ZXDA: variants seen among roughly 807,000 people sequenced by gnomAD.
ZXDA encodes zinc finger X-linked duplicated A, also known as zinc finger X-linked protein ZXDA.
A neutral mutation model predicts 10.1 loss-of-function variants in ZXDA; 5 were observed. The ratio of observed to expected loss-of-function variants is 0.50; its 90% CI spans 0.26 to 1.04. The LOEUF (loss-of-function observed/expected upper bound fraction) is 1.04. Among genes scored for constraint, ZXDA ranks in the 50% least tolerant of loss-of-function variants. The pLI is 0.14. For missense variants in ZXDA, 501 were observed against 672.4 expected (o/e 0.75, Z 2.82); for synonymous variants, 266 against 313.1 (o/e 0.85, Z 1.59).
In ZXDA at chrX:57,906,337, G is replaced by C. The variant is rs1353640791; in HGVS notation, c.*1684C>G. ...ATGTCTCCATTATTATCTGATTCAT[G>C]TATAAACACATTGCCATCTAAATCC... On this transcript the variant is annotated 3_prime_UTR_variant, in exon 1 of 1. Transcript: ENST00000358697. Among the ~76,000 whole-genome samples, 2 of 112,206 alleles carry C rather than the reference G, an allele frequency of 1.8e-5. No individual in the cohort carries two copies. Among genetic ancestry groups the C allele is most frequent in the Middle Eastern group, 4.6e-3 (1 of 216 alleles).
chrX:57,909,765 T>C lies in ZXDA; in HGVS notation c.656A>G (p.Asp219Gly). 8.4e-7 allele frequency: 1 copy of C among 1,196,304 alleles called. No individual in the cohort carries two copies. Among genetic ancestry groups the C allele is most frequent in the South Asian group, 1.8e-5 (1 of 54,468 alleles). ...AGFPQAAHPG[D>G]CPELRSDLLL... The stretch of plus-strand genomic sequence containing the variant: ...GAGGTCGGACCGCAGCTCTGGGCAG[T>C]CACCCGGGTGCGCGGCTTGCGGGAA... The change falls in exon 1 of 1, where the codon GAC becomes GGC. Residue 219 changes from aspartate to glycine, a missense_variant. This residue lies in a region of ZXDA where 251 missense variants were observed against 221.6 expected (regional missense o/e 1.13). Coordinates refer to ENST00000358697, the MANE Select transcript of ZXDA (RefSeq NM_007156.5).
rs2014379273 is a variant in ZXDA, at chrX:57,908,095, T to A, written c.2326A>T (p.Asn776Tyr). The A allele has an allele frequency of 2.5e-6, 3 of 1,212,144 alleles. No homozygotes were observed. Among genetic ancestry groups the A allele is most frequent in the Non-Finnish European group, 3.3e-6 (3 of 895,608 alleles). ...TGAGAACCATGGTTTCCTGCTGCATTGGGGAATCCAAACTGGGTTTCTCCC... is the reference window on the plus strand; with the variant it reads ...TGAGAACCATGGTTTCCTGCTGCATAGGGGAATCCAAACTGGGTTTCTCCC... ...QEGETQFGFP[N>Y]AAGNHGSQKE... is the part of the protein sequence containing the mutation. The change falls in exon 1 of 1, where the codon AAT becomes TAT. Residue 776 changes from asparagine (N) to tyrosine (Y), a missense_variant. By Grantham distance (143) the Asn-to-Tyr change is moderately radical (BLOSUM62 -2). Around this residue, in one of 5 missense-constraint regions of ZXDA, gnomAD observed 46 missense variants for 54.1 expected, o/e 0.85. Coordinates refer to ENST00000358697, the MANE Select transcript of ZXDA (RefSeq NM_007156.5).
chrX:57,909,335 A>G lies in ZXDA; in HGVS notation c.1086T>C (p.Cys362=), dbSNP rs1057326. ...TGGGGAAGCTCTCCTCGCACACCTC[A>G]CATTTGAACGAGTTCTCCTGCTCAT... is the stretch of plus-strand genomic sequence containing the variant. The part of the protein sequence containing the change: ...KGHEQENSFK[C]EVCEESFPTQ... Residue 362 remains cysteine, a synonymous_variant, in exon 1 of 1, where the codon TGT becomes TGC. Coordinates refer to ENST00000358697, the MANE Select transcript of ZXDA (RefSeq NM_007156.5). 97 of 1,210,230 alleles carry G rather than the reference A, an allele frequency of 8.0e-5. 1 individual carries two copies. The Middle Eastern group carries it at 9.2e-4, about 11-fold the overall frequency.
At position 57,908,136 on chromosome X, in the gene ZXDA, T is replaced by A. The variant is rs2014379838; in HGVS notation, c.2285A>T (p.Asp762Val). ...GGTTTCTCCCTCCTGTCCAAAGAAG[T>A]CAGAGTTAGGATGTACGCTCCACTC... Reference protein sequence around the residue: ...KAEWSVHPNSDFFGQEGETQF... With the variant: ...KAEWSVHPNSVFFGQEGETQF... The change falls in exon 1 of 1, where the codon GAC becomes GTC. Residue 762 changes from aspartate to valine, a missense_variant. Coordinates refer to ENST00000358697, the MANE Select transcript of ZXDA (RefSeq NM_007156.5). The A allele has an allele frequency of 8.3e-7, 1 of 1,210,374 alleles. No homozygotes were observed.
chrX:57,909,190 G>A lies in ZXDA; in HGVS notation c.1231C>T (p.Arg411Cys). The change falls in exon 1 of 1, where the codon CGC (arginine) becomes TGC (cysteine). Residue 411 changes from arginine (R) to cysteine (C), a missense_variant. By Grantham distance (180) the Arg-to-Cys change is radical. Coordinates refer to ENST00000358697, the MANE Select transcript of ZXDA (RefSeq NM_007156.5). ...AGTTCCTGTTCCCTGAAATGGGCGC[G>A]GTTATGGGAAAACAGAGCACTCACT... is the stretch of plus-strand genomic sequence containing the variant. ...ITVSALFSHN[R>C]AHFREQELFS... The A allele has an allele frequency of 4.1e-6, 5 of 1,211,742 alleles. No individual in the cohort carries two copies. The highest frequency in any genetic ancestry group is 5.6e-6 in the Non-Finnish European group (5 of 895,472).
chrX:57,907,705 T>G lies in ZXDA; in HGVS notation c.*316A>C. Reference sequence around the variant, plus strand: ...ATAATAATTGCAAAATGCCCGAAAATTTTCAAGAAAAAGCACAAAATCACA... The same window carrying G: ...ATAATAATTGCAAAATGCCCGAAAAGTTTCAAGAAAAAGCACAAAATCACA... On this transcript the variant is annotated 3_prime_UTR_variant, in exon 1 of 1. Coordinates refer to ENST00000358697, the MANE Select transcript of ZXDA (RefSeq NM_007156.5). The G allele has an allele frequency of 4.8e-6, 1 of 207,701 alleles. No individual in the cohort carries two copies. Among genetic ancestry groups the G allele is most frequent in the Non-Finnish European group, 8.8e-6 (1 of 113,734 alleles). The allele number at this position is 207,701 out of a possible 1,213,427, so 17.1% of individuals were successfully genotyped here.
chrX:57,909,771 G>C lies in ZXDA; in HGVS notation c.650C>G (p.Pro217Arg), dbSNP rs1392831216. Residue 217 changes from proline to arginine, a missense_variant, in exon 1 of 1, where the codon CCG becomes CGG. Transcript: ENST00000358697. ...GGACCGCAGCTCTGGGCAGTCACCC[G>C]GGTGCGCGGCTTGCGGGAACCCAGC... The part of the protein sequence containing the change: ...PQAGFPQAAH[P>R]GDCPELRSDL... 6.7e-6 allele frequency: 8 copies of C among 1,196,605 alleles called. No homozygotes were observed. The highest frequency in any genetic ancestry group is 9.0e-6 in the Non-Finnish European group (8 of 889,406).
rs149817888 is a variant in ZXDA, at chrX:57,910,193, C to T, written c.228G>A (p.Pro76=). ...SRGPGPSLFA[P]RPHQPSGGGD... ...CGCCGCCGCTAGGTTGATGGGGCCTCGGCGCGAACAGGCTTGGGCCAGGGC... is the reference window on the plus strand; with the variant it reads ...CGCCGCCGCTAGGTTGATGGGGCCTTGGCGCGAACAGGCTTGGGCCAGGGC... The change falls in exon 1 of 1, where the codon CCG becomes CCA. Residue 76 remains proline (P), a synonymous_variant. Transcript: ENST00000358697. 37 of 1,198,150 alleles carry T rather than the reference C, an allele frequency of 3.1e-5. No homozygotes were observed. In the African/African-American group the frequency reaches 3.9e-4, roughly 13 times the overall value.
chrX:57,905,516 AAAATT>A lies in ZXDA; in HGVS notation c.*2500_*2504del, dbSNP rs1220445093. Among the ~76,000 whole-genome samples the A allele has an allele frequency of 1.8e-5, 2 of 112,156 alleles. No homozygotes were observed. Among genetic ancestry groups the A allele is most frequent in the Non-Finnish European group, 3.8e-5 (2 of 53,237 alleles). ...AAGATAAACAAAAGGCAAATGAGAT[AAAATT>A]AAATCATGTTCCATTGTTTAAACAA... On this transcript the variant is annotated 3_prime_UTR_variant, in exon 1 of 1. Transcript: ENST00000358697.
rs2014396278 is a variant in ZXDA, at chrX:57,909,364, C to T, written c.1057G>A (p.Gly353Ser). Reference sequence around the variant, plus strand: ...TTGAACGAGTTCTCCTGCTCATGGCCCTTCATGTGCGCCTTGAGGTTGTAC... The same window carrying T: ...TTGAACGAGTTCTCCTGCTCATGGCTCTTCATGTGCGCCTTGAGGTTGTAC... Reference protein sequence around the residue: ...TVYNLKAHMKGHEQENSFKCE... With the variant: ...TVYNLKAHMKSHEQENSFKCE... The change falls in exon 1 of 1, where the codon GGC becomes AGC. Residue 353 changes from glycine to serine, a missense_variant. Gly to Ser is a moderately conservative substitution (Grantham distance 56, BLOSUM62 0). Transcript: ENST00000358697. 8.3e-7 allele frequency: 1 copy of T among 1,211,890 alleles called. No individual in the cohort carries two copies. Among genetic ancestry groups the T allele is most frequent in the Non-Finnish European group, 1.1e-6 (1 of 895,584 alleles).
rs1433519549 is a variant in ZXDA, at chrX:57,907,580, T to A, written c.*441A>T. ...TCTATCATTAGATTTTCGTACTGTG[T>A]AAAATTTCCATTAAATTTTTAATGT... On this transcript the variant is annotated 3_prime_UTR_variant, in exon 1 of 1. Coordinates refer to ENST00000358697, the MANE Select transcript of ZXDA (RefSeq NM_007156.5). The A allele has an allele frequency of 1.7e-5, 2 of 114,623 alleles. No individual in the cohort carries two copies. Among genetic ancestry groups the A allele is most frequent in the Non-Finnish European group, 3.6e-5 (2 of 55,188 alleles). The allele number at this position is 114,623 out of a possible 1,213,427, so 9.4% of individuals were successfully genotyped here.
At position 57,908,890 on chromosome X, in the gene ZXDA, C is replaced by G. The variant is rs766122568; in HGVS notation, c.1531G>C (p.Val511Leu). Reference sequence around the variant, plus strand: ...GCACAGCAGCCTGCCACAGGACACACGAAAGGCTTTGTGCCCAGGTGGGTA... The same window carrying G: ...GCACAGCAGCCTGCCACAGGACACAGGAAAGGCTTTGTGCCCAGGTGGGTA... ...SITHLGTKPFVCPVAGCCARF... is the reference protein window; with the variant it reads ...SITHLGTKPFLCPVAGCCARF... Residue 511 changes from valine to leucine, a missense_variant, in exon 1 of 1, where the codon GTG becomes CTG. By Grantham distance (32) the Val-to-Leu change is conservative. Coordinates refer to ENST00000358697, the MANE Select transcript of ZXDA (RefSeq NM_007156.5). 8.3e-7 allele frequency: 1 copy of G among 1,211,407 alleles called. No individual in the cohort carries two copies. The highest frequency in any genetic ancestry group is 1.1e-6 in the Non-Finnish European group (1 of 895,364).
Position 57,908,019 on chromosome X carries a change from C to T in ZXDA, c.*2G>A. ...ACATGGCAAGGAATGAATAGAGTTG[C>T]TTCATACCAAAAATGAGCTGCCAGT... On this transcript the variant is annotated 3_prime_UTR_variant, in exon 1 of 1. Transcript: ENST00000358697. 8.3e-7 allele frequency: 1 copy of T among 1,204,255 alleles called. No homozygotes were observed. Among genetic ancestry groups the T allele is most frequent in the Non-Finnish European group, 1.1e-6 (1 of 891,988 alleles).
At position 57,906,177 on chromosome X, in the gene ZXDA, A is replaced by T. The variant is rs2014361722; in HGVS notation, c.*1844T>A. Among the ~76,000 whole-genome samples the T allele has an allele frequency of 8.9e-6, 1 of 112,426 alleles. No homozygotes were observed. The highest frequency in any genetic ancestry group is 1.9e-5 in the Non-Finnish European group (1 of 53,277). On this transcript the variant is annotated 3_prime_UTR_variant, in exon 1 of 1. Coordinates refer to ENST00000358697, the MANE Select transcript of ZXDA (RefSeq NM_007156.5). ...AAGTGCACTGTTAAAGTGCCATAAT[A>T]ATTGTTATCCCCAAGTATCCACATG... is the stretch of plus-strand genomic sequence containing the variant.
Position 57,908,315 on chromosome X carries a change from C to T in ZXDA, c.2106G>A (p.Leu702=), listed in dbSNP as rs1333088567. The change falls in exon 1 of 1, where the codon TTG becomes TTA. Residue 702 remains leucine, a synonymous_variant. Coordinates refer to ENST00000358697, the MANE Select transcript of ZXDA (RefSeq NM_007156.5). ...TCATGGCCAAAGAGTCCAGAGATCC[C>T]AATGGCCCCACACTTACACTTGAGA... The part of the protein sequence containing the change: ...DEVSSVSVGP[L]GSLDSLAMKN... 2.5e-6 allele frequency: 3 copies of T among 1,197,571 alleles called. No individual in the cohort carries two copies. The highest frequency in any genetic ancestry group is 3.6e-5 in the South Asian group (2 of 55,570).
rs1385835981 is a variant in ZXDA, at chrX:57,907,439, A to G, written c.*582T>C. 1 of 112,077 alleles carries G rather than the reference A, an allele frequency of 8.9e-6. No homozygotes were observed. Among genetic ancestry groups the G allele is most frequent in the Non-Finnish European group, 1.9e-5 (1 of 53,272 alleles). The allele number at this position is 112,077 out of a possible 1,213,427, so 9.2% of individuals were successfully genotyped here. On this transcript the variant is annotated 3_prime_UTR_variant, in exon 1 of 1. Coordinates refer to ENST00000358697, the MANE Select transcript of ZXDA (RefSeq NM_007156.5). ...CATTTCACTCTGGGTCTGAGTGATA[A>G]CAAAAGCCCTTGTATTTTCCACAAC... is the stretch of plus-strand genomic sequence containing the variant.
chrX:57,908,042 A>G lies in ZXDA; in HGVS notation c.2379T>C (p.Thr793=). The change falls in exon 1 of 1, where the codon ACT becomes ACC. Residue 793 remains threonine (T), a synonymous_variant. Transcript: ENST00000358697. ...SQKERNLITV[T]GSSFLV is the part of the protein sequence containing the mutation. ...TGCTTCATACCAAAAATGAGCTGCC[A>G]GTCACAGTGATAAGATTTCTTTCTT... The G allele has an allele frequency of 3.3e-6, 4 of 1,209,485 alleles. No homozygotes were observed. The highest frequency in any genetic ancestry group is 1.8e-5 in the South Asian group (1 of 56,448).
Position 57,909,006 on chromosome X carries a change from C to T in ZXDA, c.1415G>A (p.Arg472Lys). ...TSMSKLLRHKRKHDDDRRFMC... is the reference protein window; with the variant it reads ...TSMSKLLRHKKKHDDDRRFMC... Reference sequence around the variant, plus strand: ...GAACCTCCGGTCATCGTCGTGCTTCCTTTTGTGCCTTAAGAGTTTGGACAT... The same window carrying T: ...GAACCTCCGGTCATCGTCGTGCTTCTTTTTGTGCCTTAAGAGTTTGGACAT... The change falls in exon 1 of 1, where the codon AGG becomes AAG. Residue 472 changes from arginine to lysine, a missense_variant. Arg to Lys is a conservative substitution (Grantham distance 26). Transcript: ENST00000358697. 8.3e-7 allele frequency: 1 copy of T among 1,211,688 alleles called. No individual in the cohort carries two copies. The highest frequency in any genetic ancestry group is 1.1e-6 in the Non-Finnish European group (1 of 895,509).
At position 57,908,059 on chromosome X, in the gene ZXDA, T is replaced by A. The variant is rs139630486; in HGVS notation, c.2362A>T (p.Asn788Tyr). ...GAGCTGCCAGTCACAGTGATAAGAT[T>A]TCTTTCTTTCTGAGAACCATGGTTT... ...AGNHGSQKER[N>Y]LITVTGSSFL... Residue 788 changes from asparagine to tyrosine, a missense_variant, in exon 1 of 1, where the codon AAT becomes TAT. Asn to Tyr is a moderately radical substitution (Grantham distance 143). Around this residue, in one of 5 missense-constraint regions of ZXDA, gnomAD observed 46 missense variants for 54.1 expected, o/e 0.85. Coordinates refer to ENST00000358697, the MANE Select transcript of ZXDA (RefSeq NM_007156.5). 5.7e-5 allele frequency: 69 copies of A among 1,209,959 alleles called. No individual in the cohort carries two copies. In the Middle Eastern group the frequency reaches 6.9e-4, roughly 12 times the overall value.
Sources: allele counts gnomAD v4.1 joint callset (sites outside exome capture counted in the v4.1 genomes callset), GRCh38; gene constraint gnomAD v4.1.1; regional missense constraint gnomAD v4.1.1; transcripts MANE v1.5; gene names NCBI Gene and HGNC (gene_info 2026-07-23, HGNC 2026-07-21).